Variants in ZNF717 observed in about 807,000 individuals in gnomAD.
ZNF717 encodes krueppel-like factor X17.
ZNF717 carries 9 observed loss-of-function variants against 13.8 expected under a neutral mutation model. The ratio of observed to expected loss-of-function variants is 0.65; its 90% CI spans 0.39 to 1.14. The LOEUF (loss-of-function observed/expected upper bound fraction) is 1.14, where lower values mean the gene tolerates loss of function less well. ZNF717 is among the 50% of genes most tolerant of loss of function. The probability of loss-of-function intolerance (pLI) is 0.01; values close to 1 mark genes in which losing one functional copy is unlikely to be tolerated. For synonymous variants in ZNF717, 327 were observed against 364.1 expected (o/e 0.90, Z 1.16); for missense variants, 1,040 against 1,080.7 (o/e 0.96, Z 0.53).
At chr3:75,759,403 G>A (rs1398597177) in intron 2 of ZNF717, among the ~76,000 whole-genome samples, 2 of 151,126 alleles carry the variant, frequency 1.3e-5, no homozygotes, top group African/African-American at 4.9e-5. Flanking sequence ...AACCTCCGGA[G>A]TAGCTGGAAG....
At chr3:75,778,651 A>G (rs540754944) in intron 2 of ZNF717, among the ~76,000 whole-genome samples, 3 of 151,806 alleles carry the variant, frequency 2.0e-5, no homozygotes, top group Non-Finnish European at 4.4e-5. Context: ...AACCCAAAAC[A>G]ATGGGAGTGA....
Position 75,736,234 on chromosome 3 carries a change from T to G in ZNF717, c.*644A>C, listed in dbSNP as rs1289837810. On this transcript the variant is annotated 3_prime_UTR_variant, in exon 5 of 5. Coordinates refer to ENST00000652011, the MANE Select transcript of ZNF717 (RefSeq NM_001290208.3). ...ATTCCCCAAGATACAACAATGAAATTAGGCCACTTCACTCTGCAGTGGCCA... is the reference window on the plus strand; with the variant it reads ...ATTCCCCAAGATACAACAATGAAATGAGGCCACTTCACTCTGCAGTGGCCA... 2.6e-5 allele frequency: 4 copies of G among 152,314 alleles called. No homozygotes were observed. Among genetic ancestry groups the G allele is most frequent in the Admixed American group, 6.5e-5 (1 of 15,292 alleles). The allele number at this position is 152,314 out of a possible 1,614,324, so 9.4% of individuals were successfully genotyped here.
intron 2 of ZNF717, among the ~76,000 whole-genome samples, chr3:75,742,668 A>T (rs1940629171): frequency 6.6e-6 from 1 of 152,230 alleles, no homozygotes; most frequent in Non-Finnish European, 1.5e-5. Context: ...CTGGACAGTG[A>T]TGAAAGCTAA....
intron 2 of ZNF717, among the ~76,000 whole-genome samples, chr3:75,756,254 CGT>C (rs766543983): frequency 2.1e-4 from 32 of 152,362 alleles, no homozygotes; most frequent in Non-Finnish European, 4.1e-4. Flanking sequence ...CTGACAAATG[CGT>C]GTGTTCTGAC....
intron 5 of ZNF717, chr3:75,730,660 A>G: frequency 4.3e-6 from 3 of 700,548 alleles, no homozygotes; most frequent in Non-Finnish European, 7.8e-6. Context: ...TTTCAATGGT[A>G]CCTGAATCCA....
At position 75,764,223 on chromosome 3, in the gene ZNF717, C is replaced by T. The variant is rs143117023; in HGVS notation, c.57+19083G>A. 3.6e-3 allele frequency among the ~76,000 whole-genome samples: 553 copies of T among 152,288 alleles called. 3 individuals carry two copies. Among genetic ancestry groups the T allele is most frequent in the African/African-American group, 0.012 (519 of 41,562 alleles). ...GTGGCCAATGTGGGCTCTCTGCACACGAGCTACATGTAGGTTCCTTGGGTA... is the reference window on the plus strand; with the variant it reads ...GTGGCCAATGTGGGCTCTCTGCACATGAGCTACATGTAGGTTCCTTGGGTA... On this transcript the variant is annotated intron_variant, in intron 2 of 4. Coordinates refer to ENST00000652011, the MANE Select transcript of ZNF717 (RefSeq NM_001290208.3).
chr3:75,765,223 G>C (rs376008117), intron 2 of ZNF717, among the ~76,000 whole-genome samples: 7,248 of 69,054 alleles, frequency 0.1, no homozygotes, highest in Middle Eastern at 0.17. Context: ...CCAGGAGGTG[G>C]AAGGAGGGGG....
chr3:75,734,583 C>T (rs1938917101), downstream of ZNF717, among the ~76,000 whole-genome samples: 1 of 151,156 alleles, frequency 6.6e-6, no homozygotes, highest in Non-Finnish European at 1.5e-5. Flanking sequence ...CAGACACCCA[C>T]CACCACACCC....
rs114158370 is a variant in ZNF717, at chr3:75,761,337, T to C, written c.58-19601A>G. Among the ~76,000 whole-genome samples, 339 of 152,342 alleles carry C rather than the reference T, an allele frequency of 2.2e-3. 1 individual carries two copies. The highest frequency in any genetic ancestry group is 0.01 in the Middle Eastern group (3 of 294). On this transcript the variant is annotated intron_variant, in intron 2 of 4. Coordinates refer to ENST00000652011, the MANE Select transcript of ZNF717 (RefSeq NM_001290208.3). Reference sequence around the variant, plus strand: ...TCCACAGCGGGATGAACACCTTTCATAATAAAAACACTCAAAGAATTAGTA... The same window carrying C: ...TCCACAGCGGGATGAACACCTTTCACAATAAAAACACTCAAAGAATTAGTA...
intron 2 of ZNF717, among the ~76,000 whole-genome samples, chr3:75,775,429 T>C (rs1944233123): frequency 6.6e-6 from 1 of 152,256 alleles, no homozygotes; most frequent in Non-Finnish European, 1.5e-5. Flanking sequence ...TGGTGTCTCT[T>C]AGAAGATTCA....
intron 2 of ZNF717, among the ~76,000 whole-genome samples, chr3:75,759,732 C>T (rs889138434): frequency 4.3e-4 from 66 of 152,018 alleles, no homozygotes; most frequent in Non-Finnish European, 7.8e-4. Context: ...TCACACCTGG[C>T]TAATTTTTTG....
chr3:75,772,331 C>G (rs1943961335), intron 2 of ZNF717, among the ~76,000 whole-genome samples: 1 of 152,260 alleles, frequency 6.6e-6, no homozygotes, highest in Admixed American at 6.5e-5. Flanking sequence ...TGCCAACCAG[C>G]AGCGCTGAAA....
chr3:75,713,580 G>C (rs796829293), intron 5 of ZNF717, among the ~76,000 whole-genome samples: 1 of 152,140 alleles, frequency 6.6e-6, no homozygotes, highest in African/African-American at 2.4e-5. Context: ...AATATAGAAA[G>C]TCATATGGGT....
At chr3:75,776,236 C>A (rs557215410) in intron 2 of ZNF717, among the ~76,000 whole-genome samples, 1 of 152,362 alleles carries the variant, frequency 6.6e-6, no homozygotes, top group East Asian at 1.9e-4. Flanking sequence ...AGAAAATGAT[C>A]CAAATTAAAT....
chr3:75,764,990 GATATATATATATATATATATATAT>G lies in ZNF717; in HGVS notation c.57+18292_57+18315del, dbSNP rs71101852. On this transcript the variant is annotated intron_variant, in intron 2 of 4. Coordinates refer to ENST00000652011, the MANE Select transcript of ZNF717 (RefSeq NM_001290208.3). ...CCAGGAATGGACGGATAAACAAAAG[GATATATATATATATATATATATAT>G]ATATATATATATATATGTATATGTG... 4.7e-3 allele frequency among the ~76,000 whole-genome samples: 479 copies of G among 102,244 alleles called. 12 individuals carry two copies. The highest frequency in any genetic ancestry group is 0.019 in the East Asian group (56 of 2,944). The allele number at this position is 102,244 out of a possible 152,430, so 67.1% of individuals were successfully genotyped here.
intron 6 of ZNF717, among the ~76,000 whole-genome samples, chr3:75,698,148 C>CAA (rs61557684): frequency 4.0e-5 from 6 of 149,788 alleles, no homozygotes; most frequent in African/African-American, 9.8e-5. Flanking sequence ...CATGTTCTAG[C>CAA]AAAAAAAAAA....
intron 2 of ZNF717, among the ~76,000 whole-genome samples, chr3:75,772,199 G>A (rs1302253751): frequency 6.7e-6 from 1 of 149,086 alleles, no homozygotes; most frequent in African/African-American, 2.6e-5. Flanking sequence ...GCAGAAAGGA[G>A]CTACCCCCTG....
chr3:75,728,976 T>A (rs1349963289), downstream of ZNF717, among the ~76,000 whole-genome samples: 1 of 142,864 alleles, frequency 7.0e-6, no homozygotes, highest in African/African-American at 2.6e-5. Flanking sequence ...TCAGTGAATC[T>A]GCATTTATAC....
chr3:75,757,828 G>A lies in ZNF717; in HGVS notation c.58-16092C>T, dbSNP rs567616449. Reference sequence around the variant, plus strand: ...GATCAAAATAGCAACATTAGGAGAAGTTGGGGCCGGGCATGGTGGCTCACG... The same window carrying A: ...GATCAAAATAGCAACATTAGGAGAAATTGGGGCCGGGCATGGTGGCTCACG... On this transcript the variant is annotated intron_variant, in intron 2 of 4. Transcript: ENST00000652011. Among the ~76,000 whole-genome samples the A allele has an allele frequency of 1.3e-4, 19 of 151,938 alleles. No individual in the cohort carries two copies. The East Asian group carries it at 3.7e-3, about 29-fold the overall frequency.
Sources: allele counts gnomAD v4.1 joint callset (sites outside exome capture counted in the v4.1 genomes callset), GRCh38; gene constraint gnomAD v4.1.1; transcripts MANE v1.5; gene names NCBI Gene and HGNC (gene_info 2026-07-23, HGNC 2026-07-21).